The following CDH26 variants were observed in gnomAD, a reference collection of about 807,000 sequenced individuals.
CDH26 encodes cadherin 26.
Under a neutral mutation model 90.3 loss-of-function variants are expected in CDH26, and 83 were observed. The observed-to-expected ratio is 0.92, with a 90% CI of 0.77 to 1.10. The LOEUF (loss-of-function observed/expected upper bound fraction) is 1.10, where lower values mean the gene tolerates loss of function less well. Ranked by LOEUF, CDH26 falls within the 50% of genes least tolerant of loss-of-function variation. The probability of loss-of-function intolerance (pLI) is 0.00; values close to 1 mark genes in which losing one functional copy is unlikely to be tolerated. For missense variants in CDH26, 1,013 were observed against 1,037.6 expected, an observed-to-expected ratio of 0.98 and a Z score of 0.33; for synonymous variants, 397 against 396.3, an observed-to-expected ratio of 1.00 and a Z score of -0.02.
At chr20:60,005,561 T>C (rs1278415979) in intron 16 of CDH26, among the ~76,000 whole-genome samples, 1 of 152,158 alleles carries the variant, frequency 6.6e-6, no homozygotes, top group African/African-American at 2.4e-5. Flanking sequence ...CCAGGCTTTA[T>C]CATATTTTAC....
chr20:60,011,984 A>C (rs1244037207), intron 17 of CDH26, among the ~76,000 whole-genome samples: 1 of 152,116 alleles, frequency 6.6e-6, no homozygotes, highest in Non-Finnish European at 1.5e-5. Context: ...ACTGGAGGGC[A>C]GTGGTTTGAG....
intron 7 of CDH26, among the ~76,000 whole-genome samples, chr20:60,027,555 G>A (rs1018876816): frequency 6.6e-6 from 1 of 152,054 alleles, no homozygotes; most frequent in Admixed American, 6.5e-5. Context: ...TGCCTAGGTA[G>A]TGTTGAGTTT....
intron 14 of CDH26, among the ~76,000 whole-genome samples, chr20:60,000,812 G>A (rs2061666523): frequency 6.6e-6 from 1 of 152,194 alleles, no homozygotes. Context: ...TTCTCTAAGT[G>A]AAGCCGTCAC....
chr20:59,967,153 A>G (rs562918398), intron 1 of CDH26, among the ~76,000 whole-genome samples: 3 of 152,312 alleles, frequency 2.0e-5, no homozygotes, highest in Admixed American at 6.5e-5. Context: ...TGCTAAGTAT[A>G]ATTTAGGATG....
chr20:60,005,196 A>G (rs971079875), intron 16 of CDH26, among the ~76,000 whole-genome samples: 3 of 152,228 alleles, frequency 2.0e-5, no homozygotes, highest in African/African-American at 4.8e-5. Flanking sequence ...TATAATACAT[A>G]TGACATACAA....
intron 11 of CDH26, among the ~76,000 whole-genome samples, chr20:59,995,017 T>C (rs189536099): frequency 8.5e-4 from 130 of 152,318 alleles, no homozygotes; most frequent in African/African-American, 2.9e-3. Flanking sequence ...TAAAAGCAAC[T>C]GGCATCCACT....
At chr20:60,033,916 C>A in exon 9 of CDH26, 1 of 307,940 alleles carries the variant, frequency 3.2e-6, no homozygotes, top group Non-Finnish European at 5.1e-6. Context: ...CACTGCTTAT[C>A]CAATATGCAT....
intron 16 of CDH26, among the ~76,000 whole-genome samples, chr20:60,006,451 G>C (rs533231785): frequency 3.3e-5 from 5 of 152,172 alleles, no homozygotes; most frequent in Admixed American, 2.0e-4. Flanking sequence ...CCTCCTGGCC[G>C]GGCTCACTTG....
chr20:59,996,031 G>A lies in CDH26; in HGVS notation c.1865G>A (p.Cys622Tyr). The A allele has an allele frequency of 6.2e-7, 1 of 1,613,580 alleles. No homozygotes were observed. The highest frequency in any genetic ancestry group is 8.5e-7 in the Non-Finnish European group (1 of 1,180,016). The change falls in exon 12 of 18, where the codon TGT becomes TAT. Residue 622 changes from cysteine (C) to tyrosine (Y), a missense_variant. Coordinates refer to ENST00000348616, the MANE Select transcript of CDH26 (RefSeq NM_177980.4). ...GLHVGALFPV[C>Y]AAFVALAVAL... Reference sequence around the variant, plus strand: ...CATGTGGGGGCCCTGTTCCCTGTCTGTGCAGCATTTGTGGCTCTGGCAGGT... The same window carrying A: ...CATGTGGGGGCCCTGTTCCCTGTCTATGCAGCATTTGTGGCTCTGGCAGGT...
intron 7 of CDH26, among the ~76,000 whole-genome samples, chr20:60,026,086 A>G (rs1858439127): frequency 6.6e-6 from 1 of 152,142 alleles, no homozygotes; most frequent in African/African-American, 2.4e-5. Flanking sequence ...CTGACTTAGA[A>G]TCTAGTAGGA....
chr20:60,028,344 G>A lies in CDH26; in HGVS notation c.948-2887G>A, dbSNP rs12624496. On this transcript the variant is annotated intron_variant, in intron 7 of 8. Coordinates refer to the CDH26 transcript ENST00000370991. ...AGATTGGGTTCTTTTGATCTGCCAC[G>A]TTTTTAAAAGCCTGTCTTCCCCACT... Among the ~76,000 whole-genome samples the A allele has an allele frequency of 2.5e-3, 379 of 152,344 alleles. 11 individuals are homozygous for A. In the East Asian group the frequency reaches 0.062, roughly 25 times the overall value.
In CDH26 at chr20:59,996,115, G is replaced by A. The variant is rs1023444078; in HGVS notation, c.1888+61G>A. 4.2e-5 allele frequency: 64 copies of A among 1,532,408 alleles called. 1 individual carries two copies. The Middle Eastern group carries it at 5.1e-3, about 122-fold the overall frequency. The allele number at this position is 1,532,408 out of a possible 1,614,324, so 94.9% of individuals were successfully genotyped here. ...TCCTCTCCCCAGGCAATAGGCCAGG[G>A]GTAAGGGGCTTGCTGGGGTAGGGGA... is the stretch of plus-strand genomic sequence containing the variant. On this transcript the variant is annotated intron_variant, in intron 12 of 17. Transcript: ENST00000348616.
chr20:59,988,668 G>A (rs2061487506), intron 8 of CDH26, among the ~76,000 whole-genome samples: 1 of 152,078 alleles, frequency 6.6e-6, no homozygotes, highest in Non-Finnish European at 1.5e-5. Context: ...CCCTCTGAAG[G>A]ATGGTGGCTC....
At chr20:59,961,498 C>G (rs1307156153) in intron 1 of CDH26, among the ~76,000 whole-genome samples, 1 of 152,172 alleles carries the variant, frequency 6.6e-6, no homozygotes, top group Non-Finnish European at 1.5e-5. Context: ...GTCAAATTGG[C>G]TATGAGTAAC....
At chr20:59,972,373 T>G (rs2061273546) in intron 4 of CDH26, among the ~76,000 whole-genome samples, 1 of 152,216 alleles carries the variant, frequency 6.6e-6, no homozygotes, top group African/African-American at 2.4e-5. Context: ...ACCAGTGTCC[T>G]AGCATGATCG....
rs759502267 is a variant in CDH26, at chr20:59,999,571, C to G, written c.2020-15C>G. Reference sequence around the variant, plus strand: ...ATTTCAGCCCTTGTCATATTTCTTTCTCTGTGTTCTACAGACATGGTCAGA... The same window carrying G: ...ATTTCAGCCCTTGTCATATTTCTTTGTCTGTGTTCTACAGACATGGTCAGA... On this transcript the variant is annotated splice_polypyrimidine_tract_variant and intron_variant, in intron 13 of 17. Coordinates refer to ENST00000348616, the MANE Select transcript of CDH26 (RefSeq NM_177980.4). 1.2e-6 allele frequency: 2 copies of G among 1,608,584 alleles called. No individual in the cohort carries two copies. Among genetic ancestry groups the G allele is most frequent in the Admixed American group, 1.7e-5 (1 of 59,582 alleles).
chr20:60,000,902 C>G (rs1446123275), intron 14 of CDH26, among the ~76,000 whole-genome samples: 1 of 152,206 alleles, frequency 6.6e-6, no homozygotes, highest in Non-Finnish European at 1.5e-5. Flanking sequence ...TTGTCAAGGT[C>G]CATTGCCTGC....
chr20:59,993,791 A>T (rs1261243752), intron 10 of CDH26, among the ~76,000 whole-genome samples: 1 of 152,308 alleles, frequency 6.6e-6, no homozygotes, highest in South Asian at 2.1e-4. Flanking sequence ...AATCTAGTGG[A>T]TCCTGAGTAT....
Position 59,992,361 on chromosome 20 carries a change from C to T in CDH26, c.1284-17C>T, listed in dbSNP as rs764187671. The T allele has an allele frequency of 1.6e-5, 25 of 1,594,676 alleles. No homozygotes were observed. The highest frequency in any genetic ancestry group is 1.0e-4 in the South Asian group (9 of 86,400). On this transcript the variant is annotated splice_polypyrimidine_tract_variant and intron_variant, in intron 9 of 17. Transcript: ENST00000348616. The surrounding 1 kb of genome is among the most constrained non-coding windows in gnomAD (Gnocchi z 5.0). Reference sequence around the variant, plus strand: ...GTTTTTAATTTTAAAAATTGCTGTCCGTTTTCCTTCTACAAGATATGAACT... The same window carrying T: ...GTTTTTAATTTTAAAAATTGCTGTCTGTTTTCCTTCTACAAGATATGAACT...
Sources: allele counts gnomAD v4.1 joint callset (sites outside exome capture counted in the v4.1 genomes callset), GRCh38; gene constraint gnomAD v4.1.1; non-coding constraint Gnocchi (gnomAD v3.1); transcripts MANE v1.5; gene names NCBI Gene and HGNC (gene_info 2026-07-23, HGNC 2026-07-21).